The following EPM2A variants were observed in gnomAD, a reference collection of about 807,000 sequenced individuals.
The protein encoded by EPM2A is laforin.
In EPM2A, 21 loss-of-function variants were observed where a neutral mutation model predicts 26.5. The observed-to-expected ratio is 0.79, with a 90% CI of 0.56 to 1.14. The LOEUF is 1.14. Ranked by LOEUF, EPM2A falls within the 50% of genes most tolerant of loss-of-function variation. EPM2A has a pLI of 0.00. For synonymous variants in EPM2A, 217 were observed against 177.6 expected, an observed-to-expected ratio of 1.22 and a Z score of -1.76; for missense variants, 458 against 440.8, an observed-to-expected ratio of 1.04 and a Z score of -0.35.
At chr6:145,590,110 C>A (rs80270773) in intron 2 of EPM2A, among the ~76,000 whole-genome samples, 3,148 of 152,110 alleles carry the variant, frequency 0.021, 110 homozygotes, top group East Asian at 0.084. Context: ...AATACTTAAA[C>A]ACTAATTTTG....
At chr6:145,652,259 G>A (rs1777937218) in intron 2 of EPM2A, among the ~76,000 whole-genome samples, 1 of 152,036 alleles carries the variant, frequency 6.6e-6, no homozygotes, top group Non-Finnish European at 1.5e-5. Flanking sequence ...AAATTTAGGT[G>A]GATCTACTGA....
At chr6:145,483,120 CT>C (rs1779630650) in intron 4 of EPM2A, among the ~76,000 whole-genome samples, 1 of 149,886 alleles carries the variant, frequency 6.7e-6, no homozygotes, top group African/African-American at 2.4e-5. Context: ...ATCAAAGTTT[CT>C]TTCTTTTTTT....
chr6:145,506,501 A>T (rs1422207041), intron 2 of EPM2A, among the ~76,000 whole-genome samples: 1 of 152,042 alleles, frequency 6.6e-6, no homozygotes, highest in Non-Finnish European at 1.5e-5. Flanking sequence ...AAATTATTGT[A>T]TATACACAAG....
At chr6:145,543,795 C>T (rs1465484324) in intron 2 of EPM2A, among the ~76,000 whole-genome samples, 2 of 151,998 alleles carry the variant, frequency 1.3e-5, no homozygotes, top group Non-Finnish European at 2.9e-5. Context: ...CTCCACTGGG[C>T]CATTTTCCCC....
chr6:145,608,730 A>C (rs1418241872), intron 2 of EPM2A, among the ~76,000 whole-genome samples: 1 of 152,208 alleles, frequency 6.6e-6, no homozygotes, highest in East Asian at 1.9e-4. Context: ...AGGAACAGCA[A>C]TGCAAGCATG....
At chr6:145,425,372 G>C (rs1299567068) in intron 4 of EPM2A, among the ~76,000 whole-genome samples, 1 of 151,826 alleles carries the variant, frequency 6.6e-6, no homozygotes, top group South Asian at 2.1e-4. Flanking sequence ...ACAGGGTTTC[G>C]CCATGTTGGC....
intron 2 of EPM2A, among the ~76,000 whole-genome samples, chr6:145,562,128 G>GAA (rs71028361): frequency 1.5e-5 from 2 of 135,426 alleles, no homozygotes; most frequent in African/African-American, 2.6e-5. Context: ...TTACAAAAAG[G>GAA]AAAAAAAAAA....
At chr6:145,692,122 GA>G (rs1461054311) in intron 1 of EPM2A, among the ~76,000 whole-genome samples, 2 of 152,076 alleles carry the variant, frequency 1.3e-5, no homozygotes, top group Non-Finnish European at 2.9e-5. Context: ...AATTACTAGA[GA>G]GGGGAAATTA....
chr6:145,705,884 T>C (rs1188503550), intron 1 of EPM2A: 3 of 456,570 alleles, frequency 6.6e-6, no homozygotes, highest in Non-Finnish European at 1.3e-5. Context: ...CCTGCCATGC[T>C]CCAACATTTC....
chr6:145,706,516 T>A (rs939046917), intron 1 of EPM2A, among the ~76,000 whole-genome samples: 2 of 152,106 alleles, frequency 1.3e-5, no homozygotes, highest in African/African-American at 4.8e-5. Flanking sequence ...GAAGGTTAAG[T>A]CTCAGACAAG....
chr6:145,629,693 C>T (rs976143574), intron 3 of EPM2A: 4 of 152,294 alleles, frequency 2.6e-5, no homozygotes, highest in Admixed American at 6.5e-5. Context: ...GAGCTGGAAG[C>T]GTAGGTTCTT....
intron 2 of EPM2A, among the ~76,000 whole-genome samples, chr6:145,658,214 T>C (rs1224335912): frequency 2.0e-5 from 3 of 152,252 alleles, no homozygotes; most frequent in Admixed American, 2.0e-4. Context: ...TGTCCACGCA[T>C]GCAGTCATTC....
intron 4 of EPM2A, among the ~76,000 whole-genome samples, chr6:145,466,997 G>C (rs1779406789): frequency 6.6e-6 from 1 of 152,150 alleles, no homozygotes. Context: ...CTCTTGTGGG[G>C]CGGTGGGAGT....
intron 2 of EPM2A, among the ~76,000 whole-genome samples, chr6:145,594,602 C>T (rs1405931996): frequency 1.3e-5 from 2 of 151,690 alleles, no homozygotes; most frequent in East Asian, 1.9e-4. Flanking sequence ...AAATTCTACA[C>T]CATAACAAAG....
chr6:145,477,811 C>T lies in EPM2A; in HGVS notation c.555+24711G>A, dbSNP rs118011228. ...TAATAAAATTCATATATGACAGGCC[C>T]ACAGCTAATATTATACTGAATGGGG... is the stretch of plus-strand genomic sequence containing the variant. On this transcript the variant is annotated intron_variant, in intron 4 of 4. Coordinates refer to the EPM2A transcript ENST00000638717. Among the ~76,000 whole-genome samples the T allele has an allele frequency of 4.7e-3, 719 of 151,814 alleles. 24 individuals are homozygous for T. In the East Asian group the frequency reaches 0.086, roughly 18 times the overall value.
At chr6:145,558,348 T>C (rs568876592) in intron 2 of EPM2A, among the ~76,000 whole-genome samples, 5 of 152,212 alleles carry the variant, frequency 3.3e-5, no homozygotes, top group African/African-American at 7.2e-5. Context: ...ATCAGCAGTG[T>C]GAAAACTGAC....
In EPM2A at chr6:145,612,399, G is replaced by A. The variant is rs559690209; in HGVS notation, c.340+22846C>T. 2.3e-4 allele frequency among the ~76,000 whole-genome samples: 35 copies of A among 152,208 alleles called. No homozygotes were observed. The South Asian group carries it at 3.9e-3, about 17-fold the overall frequency. On this transcript the variant is annotated intron_variant, in intron 2 of 3. Coordinates refer to the EPM2A transcript ENST00000450221. ...CACTCATAATCTTAGTTGCTGGTGG[G>A]AAGAAGAAAATAATTACTTGTAAGC...
intron 4 of EPM2A, among the ~76,000 whole-genome samples, chr6:145,439,389 T>C (rs1779032617): frequency 6.6e-6 from 1 of 152,228 alleles, no homozygotes; most frequent in South Asian, 2.1e-4. Flanking sequence ...ATCACCACTC[T>C]GCTTTCCATA....
At chr6:145,386,798 G>A (rs1778267871) in intron 4 of EPM2A, among the ~76,000 whole-genome samples, 1 of 152,158 alleles carries the variant, frequency 6.6e-6, no homozygotes, top group Admixed American at 6.6e-5. Flanking sequence ...CAGACATGGT[G>A]CAGATAATCT....
Sources: gnomAD v4.1 joint callset for allele counts (sites outside exome capture counted in the v4.1 genomes callset) on GRCh38, gnomAD v4.1.1 for gene constraint, MANE v1.5 for transcripts, NCBI Gene and HGNC (gene_info 2026-07-23, HGNC 2026-07-21) for gene names.